Variants in FAT3 observed in about 807,000 individuals in gnomAD.
The protein encoded by FAT3 is FAT atypical cadherin 3.
A neutral mutation model predicts 310.2 loss-of-function variants in FAT3; 95 were observed. That is an observed-to-expected ratio of 0.31 (90% CI 0.26 to 0.36). The LOEUF (loss-of-function observed/expected upper bound fraction) is 0.36, where lower values mean the gene tolerates loss of function less well. Ranked by LOEUF, FAT3 falls within the 10% of genes least tolerant of loss-of-function variation. The pLI, the probability that FAT3 is intolerant of heterozygous loss-of-function variation, is 1.00. For missense variants in FAT3, 5,408 were observed against 5,715.6 expected (o/e 0.95, Z 1.74); for synonymous variants, 2,314 against 2,192.9 (o/e 1.06, Z -1.54).
chr11:92,830,952 C>T (rs1452606853), intron 13 of FAT3, among the ~76,000 whole-genome samples: 2 of 152,184 alleles, frequency 1.3e-5, no homozygotes, highest in Non-Finnish European at 2.9e-5. Context: ...CTTCCGACAC[C>T]ATCTGCCTTG....
chr11:92,762,124 T>C lies in FAT3; in HGVS notation c.3938T>C (p.Val1313Ala). Residue 1313 changes from valine (V) to alanine (A), a missense_variant, in exon 5 of 28, where the codon GTT becomes GCT. Physicochemically the swap from Val to Ala is moderately conservative, Grantham distance 64. Coordinates refer to ENST00000525166, the MANE Select transcript of FAT3 (RefSeq NM_001367949.2). ...TTTATTGACCCTAAAACTGGGATGG[T>C]TTCTTCTAGAAAGCAGTTTACAGCA... ...KFFIDPKTGM[V>A]SSRKQFTAGS... 6.2e-7 allele frequency: 1 copy of C among 1,613,800 alleles called. No homozygotes were observed. Among genetic ancestry groups the C allele is most frequent in the Non-Finnish European group, 8.5e-7 (1 of 1,179,798 alleles).
At chr11:92,818,724 G>A (rs1947886201) in intron 13 of FAT3, among the ~76,000 whole-genome samples, 1 of 152,212 alleles carries the variant, frequency 6.6e-6, no homozygotes, top group African/African-American at 2.4e-5. Context: ...AAGAATGACA[G>A]TAATGTTCCC....
intron 1 of FAT3, among the ~76,000 whole-genome samples, chr11:92,303,930 C>T (rs905457646): frequency 5.9e-5 from 9 of 151,796 alleles, no homozygotes; most frequent in East Asian, 1.9e-4. Flanking sequence ...ACCTTTTTTT[C>T]GCAATTGTGT....
chr11:92,345,825 C>G (rs188421589), intron 1 of FAT3, among the ~76,000 whole-genome samples: 6 of 152,220 alleles, frequency 3.9e-5, no homozygotes, highest in Admixed American at 2.6e-4. Flanking sequence ...TGACCTTGTT[C>G]AAATCACATA....
chr11:92,256,602 C>A (rs1032052118), intron 1 of FAT3, among the ~76,000 whole-genome samples: 1 of 152,034 alleles, frequency 6.6e-6, no homozygotes, highest in Non-Finnish European at 1.5e-5. Context: ...CAAGCCCTTT[C>A]TAAATGCAAG....
At chr11:92,414,007 CTCTG>C (rs1202770134) in intron 2 of FAT3, among the ~76,000 whole-genome samples, 1 of 152,168 alleles carries the variant, frequency 6.6e-6, no homozygotes, top group Non-Finnish European at 1.5e-5. Context: ...CACCCACTTT[CTCTG>C]TCTGTTTTGC....
intron 2 of FAT3, among the ~76,000 whole-genome samples, chr11:92,521,885 T>C (rs1206045292): frequency 6.6e-6 from 1 of 152,166 alleles, no homozygotes; most frequent in Non-Finnish European, 1.5e-5. Context: ...GTCTTCCTAG[T>C]ATATCGGTCT....
At chr11:92,853,656 G>T (rs1191382376) in intron 19 of FAT3, among the ~76,000 whole-genome samples, 1 of 152,112 alleles carries the variant, frequency 6.6e-6, no homozygotes, top group East Asian at 1.9e-4. Context: ...GCGGTGGGTA[G>T]CCCCTTACTG....
At chr11:92,647,389 G>T (rs1027688560) in intron 3 of FAT3, among the ~76,000 whole-genome samples, 1 of 152,154 alleles carries the variant, frequency 6.6e-6, no homozygotes, top group Admixed American at 6.5e-5. Flanking sequence ...CTCAAAATAA[G>T]ATGAACAAGG....
intron 1 of FAT3, among the ~76,000 whole-genome samples, chr11:92,274,821 G>A (rs1946221635): frequency 6.6e-6 from 1 of 151,908 alleles, no homozygotes; most frequent in Non-Finnish European, 1.5e-5. Context: ...GAGTCTGTGG[G>A]CACTTTTTCT....
intron 3 of FAT3, among the ~76,000 whole-genome samples, chr11:92,601,270 G>A (rs1940010636): frequency 6.6e-6 from 1 of 152,006 alleles, no homozygotes; most frequent in African/African-American, 2.4e-5. Flanking sequence ...AAATTAAAAA[G>A]CATAGGCTGC....
chr11:92,590,162 T>A (rs1296034183), intron 3 of FAT3, among the ~76,000 whole-genome samples: 1 of 152,114 alleles, frequency 6.6e-6, no homozygotes, highest in Non-Finnish European at 1.5e-5. Flanking sequence ...ATTTTCCTAG[T>A]CCAGGGAAGT....
intron 2 of FAT3, among the ~76,000 whole-genome samples, chr11:92,401,371 T>C (rs536991218): frequency 1.7e-4 from 26 of 152,232 alleles, no homozygotes; most frequent in African/African-American, 6.3e-4. Context: ...TTCCTGACTC[T>C]TCTCTCTAAC....
intron 4 of FAT3, among the ~76,000 whole-genome samples, chr11:92,707,412 T>C (rs1343319329): frequency 6.6e-6 from 1 of 152,214 alleles, no homozygotes; most frequent in African/African-American, 2.4e-5. Context: ...TGGTGCTATG[T>C]TGCTGCTTCC....
intron 1 of FAT3, among the ~76,000 whole-genome samples, chr11:92,244,818 G>A (rs1197720723): frequency 5.3e-5 from 8 of 152,012 alleles, no homozygotes; most frequent in African/African-American, 9.7e-5. Context: ...TTAGAATAGC[G>A]ATCATTAAAA....
At chr11:92,402,541 G>A (rs1381763593) in intron 2 of FAT3, among the ~76,000 whole-genome samples, 1 of 151,768 alleles carries the variant, frequency 6.6e-6, no homozygotes, top group African/African-American at 2.4e-5. Flanking sequence ...ACCAGCCTAG[G>A]AAACATGGTG....
intron 2 of FAT3, among the ~76,000 whole-genome samples, chr11:92,389,695 T>C (rs576946057): frequency 6.6e-6 from 1 of 152,256 alleles, no homozygotes; most frequent in East Asian, 1.9e-4. Flanking sequence ...CAGTTAGAAG[T>C]GAGGAAAATG....
intron 4 of FAT3, among the ~76,000 whole-genome samples, chr11:92,714,744 A>G (rs1419890018): frequency 6.6e-6 from 1 of 152,166 alleles, no homozygotes; most frequent in Non-Finnish European, 1.5e-5. Context: ...TTTAGAAACT[A>G]TCTACAGGTA....
In FAT3 at chr11:92,353,867, A is replaced by C. The variant is rs750771501; in HGVS notation, c.1755A>C (p.Gly585=). 2.9e-5 allele frequency: 47 copies of C among 1,613,120 alleles called. No individual in the cohort carries two copies. Among genetic ancestry groups the C allele is most frequent in the Non-Finnish European group, 3.9e-5 (46 of 1,179,598 alleles). The part of the protein sequence containing the change: ...SPLFEKVACQ[G]VISYDFPVGG... ...TCTTTGAAAAAGTGGCTTGCCAGGG[A>C]GTTATTTCATATGACTTTCCAGTTG... Residue 585 remains glycine, a synonymous_variant, in exon 2 of 28, where the codon GGA becomes GGC. Coordinates refer to ENST00000525166, the MANE Select transcript of FAT3 (RefSeq NM_001367949.2).
Sources: allele counts gnomAD v4.1 joint callset (sites outside exome capture counted in the v4.1 genomes callset), GRCh38; gene constraint gnomAD v4.1.1; transcripts MANE v1.5; gene names NCBI Gene and HGNC (gene_info 2026-07-23, HGNC 2026-07-21).